The following PIBF1 variants were observed in gnomAD, a reference collection of about 807,000 sequenced individuals.
The protein encoded by PIBF1 is progesterone immunomodulatory binding factor 1.
In PIBF1, 90 loss-of-function variants were observed where a neutral mutation model predicts 112.5. The observed-to-expected ratio is 0.80, with a 90% CI of 0.67 to 0.95. The LOEUF (loss-of-function observed/expected upper bound fraction) is 0.95. Among genes scored for constraint, PIBF1 ranks in the 40% least tolerant of loss-of-function variants. The pLI is 0.00. For missense variants in PIBF1, 915 were observed against 852.3 expected (o/e 1.07, Z -0.92); for synonymous variants, 301 against 288.6 (o/e 1.04, Z -0.44).
In PIBF1 at chr13:72,846,830, T is replaced by C. The variant is rs192531101; in HGVS notation, c.1224-7227T>C. On this transcript the variant is annotated intron_variant, in intron 9 of 17. Transcript: ENST00000326291. ...TTTTCCTACTAGAATGTGATCTCCA[T>C]GAGAGTAGGAGTTTTCATGTATCGT... 2.3e-4 allele frequency among the ~76,000 whole-genome samples: 35 copies of C among 152,322 alleles called. 1 individual carries two copies. In the East Asian group the frequency reaches 6.4e-3, roughly 28 times the overall value.
At chr13:72,920,408 A>G (rs902354282) in intron 13 of PIBF1, among the ~76,000 whole-genome samples, 2 of 152,216 alleles carry the variant, frequency 1.3e-5, no homozygotes, top group African/African-American at 4.8e-5. Context: ...CATGCATTCA[A>G]CAACTTTTAT....
intron 9 of PIBF1, among the ~76,000 whole-genome samples, chr13:72,842,094 G>A (rs1472787633): frequency 1.3e-5 from 2 of 152,108 alleles, no homozygotes; most frequent in Non-Finnish European, 2.9e-5. Context: ...AGACGTAGAG[G>A]GTCTACATGC....
At chr13:72,892,983 T>A (rs1238242140) in intron 10 of PIBF1, among the ~76,000 whole-genome samples, 1 of 152,180 alleles carries the variant, frequency 6.6e-6, no homozygotes, top group Non-Finnish European at 1.5e-5. Context: ...TATCTACCAA[T>A]GTATACACCT....
At chr13:72,974,001 G>A (rs1225556393) in intron 16 of PIBF1, 1 of 331,930 alleles carries the variant, frequency 3.0e-6, no homozygotes, top group Non-Finnish European at 5.4e-6. Flanking sequence ...TGTATGCCCA[G>A]TGCCTGTAGT....
intron 15 of PIBF1, among the ~76,000 whole-genome samples, chr13:72,968,271 T>TTTGTTGTTG (rs74223523): frequency 2.2e-3 from 339 of 150,956 alleles, no homozygotes; most frequent in African/African-American, 7.5e-3. Flanking sequence ...GTTTTGGGGT[T>TTTGTTGTTG]TTGTTGTTGT....
chr13:72,967,029 G>A (rs370698368), intron 15 of PIBF1, among the ~76,000 whole-genome samples: 3 of 150,162 alleles, frequency 2.0e-5, no homozygotes, highest in South Asian at 2.1e-4. Context: ...TCTGCCTCCC[G>A]GGTTCAAGTG....
intron 8 of PIBF1, among the ~76,000 whole-genome samples, chr13:72,831,081 T>C (rs1219267938): frequency 1.3e-5 from 2 of 152,188 alleles, no homozygotes; most frequent in African/African-American, 4.8e-5. Context: ...TCTCTGATGG[T>C]AGTTTTTATT....
intron 8 of PIBF1, among the ~76,000 whole-genome samples, chr13:72,830,115 A>C (rs963475246): frequency 1.3e-5 from 2 of 152,144 alleles, no homozygotes; most frequent in Non-Finnish European, 2.9e-5. Context: ...TGATTTTTGC[A>C]CATCAATTTT....
intron 12 of PIBF1, among the ~76,000 whole-genome samples, chr13:72,911,831 T>C (rs1370050303): frequency 1.3e-5 from 2 of 152,086 alleles, no homozygotes; most frequent in East Asian, 3.9e-4. Flanking sequence ...AACATCCTTC[T>C]AGAGATGTCC....
chr13:72,821,507 C>T (rs1034359537), intron 5 of PIBF1, among the ~76,000 whole-genome samples: 4 of 152,176 alleles, frequency 2.6e-5, no homozygotes, highest in African/African-American at 4.8e-5. Context: ...TTATTCACTT[C>T]TGTATCTTCA....
At chr13:73,008,955 A>G (rs554692263) in intron 17 of PIBF1, among the ~76,000 whole-genome samples, 4 of 152,310 alleles carry the variant, frequency 2.6e-5, no homozygotes, top group East Asian at 1.9e-4. Flanking sequence ...AGCTTTAGCA[A>G]ATTGTTCAGT....
intron 10 of PIBF1, among the ~76,000 whole-genome samples, chr13:72,881,635 G>C (rs919925811): frequency 6.6e-6 from 1 of 150,816 alleles, no homozygotes; most frequent in Admixed American, 6.6e-5. Flanking sequence ...AGAGTCACTT[G>C]AACCCATGAG....
intron 10 of PIBF1, among the ~76,000 whole-genome samples, chr13:72,868,846 AAAAAAG>A (rs1051515914): frequency 1.3e-5 from 2 of 151,772 alleles, no homozygotes; most frequent in Non-Finnish European, 2.9e-5. Context: ...AAAAAAAAAA[AAAAAAG>A]ATGAAACTAC....
chr13:72,896,658 A>G (rs1300219199), intron 11 of PIBF1, among the ~76,000 whole-genome samples: 1 of 152,196 alleles, frequency 6.6e-6, no homozygotes, highest in Non-Finnish European at 1.5e-5. Context: ...AATGTTCTGG[A>G]AAGTCTCAGC....
chr13:72,876,134 C>CTTTTTTTTT (rs386363749), intron 10 of PIBF1, among the ~76,000 whole-genome samples: 76 of 91,220 alleles, frequency 8.3e-4, no homozygotes, highest in East Asian at 1.1e-3. Context: ...TGTTCAGATT[C>CTTTTTTTTT]TTTTTTTTTT....
At chr13:72,854,859 T>C (rs1245678522) in intron 10 of PIBF1, among the ~76,000 whole-genome samples, 2 of 152,070 alleles carry the variant, frequency 1.3e-5, no homozygotes, top group Admixed American at 6.6e-5. Flanking sequence ...AGTATGTGTT[T>C]TGGAAGGAGG....
chr13:72,805,377 C>T (rs550941377), intron 5 of PIBF1, among the ~76,000 whole-genome samples: 1 of 152,098 alleles, frequency 6.6e-6, no homozygotes, highest in Non-Finnish European at 1.5e-5. Flanking sequence ...CTCCTGACCT[C>T]GTCATCCGCC....
At chr13:72,861,844 G>A (rs950144952) in intron 10 of PIBF1, among the ~76,000 whole-genome samples, 5 of 152,088 alleles carry the variant, frequency 3.3e-5, no homozygotes, top group African/African-American at 1.2e-4. Context: ...GAAAAATATG[G>A]CAACAGAATA....
intron 17 of PIBF1, 52 bp downstream of exon 17, chr13:72,999,047 A>G (rs2043774138): frequency 8.2e-7 from 1 of 1,214,296 alleles, no homozygotes; most frequent in South Asian, 1.5e-5. Context: ...TTCTTACTAA[A>G]TGTATTTTAG....
Sources: allele counts gnomAD v4.1 joint callset (sites outside exome capture counted in the v4.1 genomes callset), GRCh38; gene constraint gnomAD v4.1.1; transcripts MANE v1.5; gene names NCBI Gene and HGNC (gene_info 2026-07-23, HGNC 2026-07-21).